The following MIPEP variants were observed in gnomAD, a reference collection of about 807,000 sequenced individuals.
MIPEP encodes the protein mitochondrial intermediate peptidase.
Under a neutral mutation model 90.3 loss-of-function variants are expected in MIPEP, and 79 were observed. The observed-to-expected ratio is 0.87, with a 90% CI of 0.73 to 1.05. The LOEUF (loss-of-function observed/expected upper bound fraction) is 1.05. MIPEP is among the 50% of genes least tolerant of loss of function. The pLI, the probability that MIPEP is intolerant of heterozygous loss-of-function variation, is 0.00. For missense variants in MIPEP, 940 were observed against 905.6 expected, an observed-to-expected ratio of 1.04 and a Z score of -0.49; for synonymous variants, 334 against 315.8, an observed-to-expected ratio of 1.06 and a Z score of -0.61.
chr13:23,852,384 A>T (rs977195754), intron 10 of MIPEP, among the ~76,000 whole-genome samples: 1 of 152,268 alleles, frequency 6.6e-6, no homozygotes, highest in Non-Finnish European at 1.5e-5. Context: ...TATAAGACTG[A>T]GATGACATGA....
chr13:23,759,443 C>T (rs947222124), intron 17 of MIPEP, among the ~76,000 whole-genome samples: 2 of 151,274 alleles, frequency 1.3e-5, no homozygotes, highest in Non-Finnish European at 3.0e-5. Context: ...CATACCTCCC[C>T]AGACAGCACA....
At chr13:23,767,338 T>C (rs952050239) in intron 16 of MIPEP, among the ~76,000 whole-genome samples, 6 of 152,252 alleles carry the variant, frequency 3.9e-5, no homozygotes, top group Admixed American at 3.9e-4. Flanking sequence ...TCTATTTTTT[T>C]AAATGAGACT....
At chr13:23,760,706 G>C in intron 16 of MIPEP, 1 of 431,078 alleles carries the variant, frequency 2.3e-6, no homozygotes, top group Non-Finnish European at 4.7e-6. Context: ...CATAGTCTCT[G>C]GCATTTTGTG....
At chr13:23,734,235 C>T (rs191972192) in intron 18 of MIPEP, among the ~76,000 whole-genome samples, 1 of 152,168 alleles carries the variant, frequency 6.6e-6, no homozygotes, top group Non-Finnish European at 1.5e-5. Flanking sequence ...AGCTTTGGCG[C>T]CCTCCTCCTC....
intron 3 of MIPEP, 75 bp downstream of exon 3, chr13:23,881,624 C>A: frequency 1.5e-6 from 2 of 1,294,222 alleles, no homozygotes; most frequent in Non-Finnish European, 2.2e-6. Context: ...ATGGACAAAA[C>A]TGCCTACGGC....
In MIPEP at chr13:23,784,965, C is replaced by T. The variant is rs1464081184; in HGVS notation, c.1848+20985G>A. 3.9e-5 allele frequency among the ~76,000 whole-genome samples: 6 copies of T among 152,114 alleles called. 1 individual carries two copies. Among genetic ancestry groups the T allele is most frequent in the Middle Eastern group, 6.8e-3 (2 of 294 alleles). On this transcript the variant is annotated intron_variant, in intron 16 of 18. Transcript: ENST00000382172. ...TACCATCTCTCTCCAGTTAGAACGGCGATCATTAAAAAGTCAGGAAACAAC... is the reference window on the plus strand; with the variant it reads ...TACCATCTCTCTCCAGTTAGAACGGTGATCATTAAAAAGTCAGGAAACAAC...
intron 17 of MIPEP, among the ~76,000 whole-genome samples, chr13:23,757,589 T>C (rs1308401504): frequency 2.0e-5 from 3 of 152,174 alleles, no homozygotes; most frequent in Non-Finnish European, 4.4e-5. Flanking sequence ...GAAGAGAAGC[T>C]GGCAGGAAAA....
chr13:23,798,503 A>C (rs1952989837), intron 16 of MIPEP, among the ~76,000 whole-genome samples: 1 of 152,148 alleles, frequency 6.6e-6, no homozygotes. Context: ...ACAGGTAACC[A>C]ATGTTTATAG....
At chr13:23,841,210 C>G (rs1869279790) in intron 11 of MIPEP, 125 bp downstream of exon 11, 1 of 741,940 alleles carries the variant, frequency 1.3e-6, no homozygotes, top group Non-Finnish European at 2.1e-6. Flanking sequence ...TTTTGTGAAG[C>G]AGAAATAAGG....
At chr13:23,857,325 C>T (rs1256196086) in intron 10 of MIPEP, among the ~76,000 whole-genome samples, 1 of 152,106 alleles carries the variant, frequency 6.6e-6, no homozygotes, top group East Asian at 1.9e-4. Context: ...AAAAAAAAGA[C>T]TGATGCTGAA....
chr13:23,749,458 C>G (rs952357402), intron 18 of MIPEP, among the ~76,000 whole-genome samples: 2 of 152,146 alleles, frequency 1.3e-5, no homozygotes, highest in African/African-American at 2.4e-5. Context: ...TTTGAATAAA[C>G]GTGTCATCCT....
intron 7 of MIPEP, among the ~76,000 whole-genome samples, chr13:23,868,429 T>C (rs1309235100): frequency 6.6e-6 from 1 of 152,060 alleles, no homozygotes; most frequent in Non-Finnish European, 1.5e-5. Flanking sequence ...GAGAGGAACA[T>C]GCTAGGGTGA....
chr13:23,803,501 C>T (rs1953071973), intron 16 of MIPEP, among the ~76,000 whole-genome samples: 1 of 152,124 alleles, frequency 6.6e-6, no homozygotes, highest in Admixed American at 6.6e-5. Flanking sequence ...TGATACAGGG[C>T]TGCATTTTTT....
Position 23,837,508 on chromosome 13 carries a change from T to A in MIPEP, c.1543+44A>T. 3.6e-6 allele frequency: 5 copies of A among 1,397,834 alleles called. No individual in the cohort carries two copies. In the South Asian group the frequency reaches 6.1e-5, roughly 17 times the overall value. The allele number at this position is 1,397,834 out of a possible 1,614,324, so 86.6% of individuals were successfully genotyped here. A position where few individuals can be genotyped will look rare whatever the true frequency, so the allele number is the denominator to read the frequency against. On this transcript the variant is annotated intron_variant, in intron 13 of 18. Transcript: ENST00000382172. ...TTTCCCAATTCAAAGAAAATGTATG[T>A]TTGTAAAGGACTGTAGTAAATAAAA... is the stretch of plus-strand genomic sequence containing the variant.
chr13:23,886,610 T>C (rs567367302), intron 1 of MIPEP, 104 bp from the exon 2 acceptor site: 25 of 935,776 alleles, frequency 2.7e-5, no homozygotes, highest in Admixed American at 1.8e-4. Context: ...TTGACTTTCA[T>C]TGGTGTATCA....
At chr13:23,749,624 C>T (rs1952419133) in intron 18 of MIPEP, among the ~76,000 whole-genome samples, 1 of 152,136 alleles carries the variant, frequency 6.6e-6, no homozygotes, top group Non-Finnish European at 1.5e-5. Context: ...TTGGGAGCTT[C>T]CTGAGCTGAA....
intron 5 of MIPEP, among the ~76,000 whole-genome samples, chr13:23,874,074 A>G (rs1870952300): frequency 6.6e-6 from 1 of 152,210 alleles, no homozygotes; most frequent in Non-Finnish European, 1.5e-5. Context: ...TTCATAGGTA[A>G]GTGGTTTAAT....
intron 14 of MIPEP, among the ~76,000 whole-genome samples, chr13:23,812,782 A>T (rs962648121): frequency 6.6e-6 from 1 of 152,238 alleles, no homozygotes; most frequent in Non-Finnish European, 1.5e-5. Context: ...ACTTTCTGTG[A>T]ATTTATAACT....
intron 18 of MIPEP, among the ~76,000 whole-genome samples, chr13:23,747,270 T>A (rs1375832612): frequency 2.0e-5 from 3 of 152,140 alleles, no homozygotes; most frequent in African/African-American, 7.2e-5. Flanking sequence ...GCATGGAGAA[T>A]CTCCTTCCTG....
Sources: allele counts gnomAD v4.1 joint callset (sites outside exome capture counted in the v4.1 genomes callset), GRCh38; gene constraint gnomAD v4.1.1; transcripts MANE v1.5; gene names NCBI Gene and HGNC (gene_info 2026-07-23, HGNC 2026-07-21).